The following DCDC1 variants were observed in gnomAD, a reference collection of about 807,000 sequenced individuals.
DCDC1 encodes the protein doublecortin domain containing 1, also known as doublecortin domain-containing protein 1.
DCDC1 carries 200 observed loss-of-function variants against 178.3 expected under a neutral mutation model. The ratio of observed to expected loss-of-function variants is 1.12; its 90% confidence interval spans 1.00 to 1.26. The LOEUF is 1.26. DCDC1 is among the 50% of genes most tolerant of loss of function. DCDC1 has a pLI of 0.00. For missense variants in DCDC1, 1,983 were observed against 1,749.2 expected, an observed-to-expected ratio of 1.13 and a Z score of -2.38; for synonymous variants, 690 against 604.8, an observed-to-expected ratio of 1.14 and a Z score of -2.07.
At chr11:31,205,651 T>C (rs1416958812) in intron 9 of DCDC1, among the ~76,000 whole-genome samples, 2 of 152,184 alleles carry the variant, frequency 1.3e-5, no homozygotes, top group Admixed American at 1.3e-4. Flanking sequence ...TATTAATAAT[T>C]TATCCTCGTA....
At chr11:31,250,385 T>TACATACACACAC (rs1943897278) in intron 8 of DCDC1, among the ~76,000 whole-genome samples, 1 of 92,746 alleles carries the variant, frequency 1.1e-5, no homozygotes, top group Non-Finnish European at 2.2e-5. Context: ...AGTGAATGAA[T>TACATACACACAC]ACACACACAC....
At chr11:31,015,669 C>A (rs541246865) in intron 20 of DCDC1, among the ~76,000 whole-genome samples, 1 of 152,236 alleles carries the variant, frequency 6.6e-6, no homozygotes, top group East Asian at 1.9e-4. Flanking sequence ...GGTATGAATG[C>A]GGCGGTTTGG....
At position 31,021,157 on chromosome 11, in the gene DCDC1, G is replaced by T. The variant is rs183016255; in HGVS notation, c.2591+43312C>A. 1.1e-3 allele frequency among the ~76,000 whole-genome samples: 166 copies of T among 152,180 alleles called. 1 individual carries two copies. The highest frequency in any genetic ancestry group is 3.4e-3 in the African/African-American group (143 of 41,534). ...AAGGTGTAAATTGCACCAACTCTTT[G>T]GAAAACAATTTGGCAAGAACTGTAA... On this transcript the variant is annotated intron_variant, in intron 20 of 38. Coordinates refer to ENST00000684477, the MANE Select transcript of DCDC1 (RefSeq NM_001387274.1).
chr11:30,938,939 A>G (rs1245382703), intron 21 of DCDC1, among the ~76,000 whole-genome samples: 1 of 64,754 alleles, frequency 1.5e-5, no homozygotes, highest in Non-Finnish European at 2.8e-5. Flanking sequence ...TTTCCTGTGT[A>G]CTCAACCCCC....
rs542236441 is a variant in DCDC1, at chr11:31,204,802, A to G, written c.1221+36648T>C. 1.6e-4 allele frequency among the ~76,000 whole-genome samples: 24 copies of G among 152,362 alleles called. No homozygotes were observed. The East Asian group carries it at 4.4e-3, about 28-fold the overall frequency. ...GTGCCACTGCACTCTAGCCTGGGCAACACAGCAAGACTCCATCTCAAAAAC... is the reference window on the plus strand; with the variant it reads ...GTGCCACTGCACTCTAGCCTGGGCAGCACAGCAAGACTCCATCTCAAAAAC... On this transcript the variant is annotated intron_variant, in intron 9 of 38. Coordinates refer to ENST00000684477, the MANE Select transcript of DCDC1 (RefSeq NM_001387274.1).
intron 20 of DCDC1, among the ~76,000 whole-genome samples, chr11:31,001,738 T>C (rs1951593112): frequency 6.6e-6 from 1 of 152,244 alleles, no homozygotes. Context: ...AAAGTCTGTG[T>C]GAATGAAATG....
chr11:31,357,470 C>T (rs977873121), intron 1 of DCDC1, among the ~76,000 whole-genome samples: 2 of 152,036 alleles, frequency 1.3e-5, no homozygotes, highest in African/African-American at 4.8e-5. Context: ...GACAAACCCA[C>T]AGCCAATATC....
chr11:31,359,916 T>G (rs919304314), intron 1 of DCDC1, among the ~76,000 whole-genome samples: 6 of 152,214 alleles, frequency 3.9e-5, no homozygotes, highest in Non-Finnish European at 7.3e-5. Context: ...GGTTTGAATT[T>G]TTGCCTCTGT....
chr11:31,062,540 T>G (rs1955990549), intron 20 of DCDC1, among the ~76,000 whole-genome samples: 1 of 152,078 alleles, frequency 6.6e-6, no homozygotes, highest in African/African-American at 2.4e-5. Flanking sequence ...AAAGAATACC[T>G]GGAACTTAAG....
At chr11:30,925,266 T>C in intron 23 of DCDC1, 43 bp downstream of exon 23, 7 of 1,499,896 alleles carry the variant, frequency 4.7e-6, no homozygotes, top group African/African-American at 1.4e-5. Context: ...TTGGATGGGG[T>C]ATTAATAAAT....
rs374916105 is a variant in DCDC1, at chr11:30,906,748, C to G, written c.3919-23G>C. 1.9e-5 allele frequency: 30 copies of G among 1,602,434 alleles called. No individual in the cohort carries two copies. The African/African-American group carries it at 3.6e-4, about 19-fold the overall frequency. On this transcript the variant is annotated intron_variant, in intron 29 of 38. Coordinates refer to ENST00000684477, the MANE Select transcript of DCDC1 (RefSeq NM_001387274.1). The stretch of plus-strand genomic sequence containing the variant: ...TCCCTAAAATGGGAGACAAAGATGG[C>G]TTTATATAGGAGCATCTAAATTGTT...
At chr11:31,050,212 G>A (rs540165399) in intron 20 of DCDC1, among the ~76,000 whole-genome samples, 62 of 152,250 alleles carry the variant, frequency 4.1e-4, no homozygotes, top group East Asian at 9.7e-4. Context: ...GGAGCGGGGT[G>A]AGGCCTATGA....
At chr11:30,983,828 C>T (rs891537381) in intron 20 of DCDC1, among the ~76,000 whole-genome samples, 20 of 151,892 alleles carry the variant, frequency 1.3e-4, no homozygotes, top group Non-Finnish European at 2.8e-4. Flanking sequence ...AAAATAATCA[C>T]CAGAGCAGAA....
Position 30,958,231 on chromosome 11 carries a change from A to G in DCDC1, c.2592-5663T>C, listed in dbSNP as rs148032281. Reference sequence around the variant, plus strand: ...ATCAGGGAAATGGAATTTTGAGGAAAAAGTATGTGGATGGATCTATGGGGA... The same window carrying G: ...ATCAGGGAAATGGAATTTTGAGGAAGAAGTATGTGGATGGATCTATGGGGA... On this transcript the variant is annotated intron_variant, in intron 20 of 38. Transcript: ENST00000684477. Among the ~76,000 whole-genome samples the G allele has an allele frequency of 2.5e-3, 377 of 152,282 alleles. 2 individuals carry two copies. Among genetic ancestry groups the G allele is most frequent in the Non-Finnish European group, 4.0e-3 (273 of 68,012 alleles).
intron 28 of DCDC1, among the ~76,000 whole-genome samples, chr11:30,909,924 C>A (rs1306815085): frequency 6.6e-6 from 1 of 152,016 alleles, no homozygotes; most frequent in Non-Finnish European, 1.5e-5. Context: ...GTCATAACAC[C>A]TCAAGGAACT....
intron 5 of DCDC1, 121 bp downstream of exon 5, chr11:31,306,111 A>C (rs1565585453): frequency 2.0e-6 from 2 of 1,009,074 alleles, no homozygotes; most frequent in Admixed American, 3.7e-5. Context: ...CGTATATATA[A>C]GCAATCGGTA....
intron 21 of DCDC1, among the ~76,000 whole-genome samples, chr11:30,935,183 T>C (rs1171769763): frequency 6.6e-6 from 1 of 152,202 alleles, no homozygotes. Flanking sequence ...AGTTTATTCT[T>C]CAAGGGTCTC....
In DCDC1 at chr11:30,903,573, T is replaced by C. The variant is rs372311600; in HGVS notation, c.4419A>G (p.Leu1473=). 4.0e-5 allele frequency: 64 copies of C among 1,609,450 alleles called. 1 individual carries two copies. In the African/African-American group the frequency reaches 7.9e-4, roughly 20 times the overall value. Residue 1473 remains leucine, a synonymous_variant, in exon 32 of 39, where the codon CTA becomes CTG. Transcript: ENST00000684477. The part of the protein sequence containing the change: ...FTLRDLVLWA[L]DESFLQRDSE... ...AGTCTCTCTGGAGAAAGGATTCATC[T>C]AGAGCCCATAAAACCAAATCACGCA...
rs148553920 is a variant in DCDC1, at chr11:31,005,217, G to C, written c.2592-52649C>G. Among the ~76,000 whole-genome samples the C allele has an allele frequency of 4.3e-3, 655 of 152,214 alleles. 10 individuals are homozygous for C. Among genetic ancestry groups the C allele is most frequent in the African/African-American group, 0.015 (604 of 41,534 alleles). ...TTCTCCTTTCTCATCACCAGTAAGT[G>C]CTCCACAAACCTGCACCAGTAACTG... On this transcript the variant is annotated intron_variant, in intron 20 of 38. Coordinates refer to ENST00000684477, the MANE Select transcript of DCDC1 (RefSeq NM_001387274.1).
Sources: allele counts gnomAD v4.1 joint callset (sites outside exome capture counted in the v4.1 genomes callset), GRCh38; gene constraint gnomAD v4.1.1; transcripts MANE v1.5; gene names NCBI Gene and HGNC (gene_info 2026-07-23, HGNC 2026-07-21).